The following MORF4L1 variants were observed in gnomAD, a reference collection of about 807,000 sequenced individuals.
MORF4L1 encodes the protein mortality factor 4-like protein 1.
Under a neutral mutation model 52.9 loss-of-function variants are expected in MORF4L1, and 4 were observed. That is an observed-to-expected ratio of 0.08 (90% CI 0.04 to 0.17). MORF4L1 has a LOEUF of 0.17. Ranked by LOEUF, MORF4L1 falls within the 10% of genes least tolerant of loss-of-function variation. The pLI is 1.00. For synonymous variants in MORF4L1, 123 were observed against 134.8 expected (o/e 0.91, Z 0.61); for missense variants, 214 against 390.4 (o/e 0.55, Z 3.81).
chr15:78,891,513 A>C lies in MORF4L1; in HGVS notation c.379A>C (p.Ser127Arg). 6.2e-7 allele frequency: 1 copy of C among 1,614,130 alleles called. No homozygotes were observed. Among genetic ancestry groups the C allele is most frequent in the Non-Finnish European group, 8.5e-7 (1 of 1,179,982 alleles). The change falls in exon 7 of 12, where the codon AGT becomes CGT. Residue 127 changes from serine (S) to arginine (R), a missense_variant. Ser to Arg is a moderately radical substitution (Grantham distance 110). Coordinates refer to ENST00000426013, the MANE Select transcript of MORF4L1 (RefSeq NM_006791.4). ...TGGAAATGGAGATGGTGGCAGTACC[A>C]GTGAGACCCCTCAGCCTCCTCGGAA... is the stretch of plus-strand genomic sequence containing the variant. Reference protein sequence around the residue: ...TPGNGDGGSTSETPQPPRKKR... With the variant: ...TPGNGDGGSTRETPQPPRKKR...
intron 3 of MORF4L1, among the ~76,000 whole-genome samples, chr15:78,884,797 A>T (rs1196063907): frequency 6.6e-6 from 1 of 152,226 alleles, no homozygotes; most frequent in South Asian, 2.1e-4. Flanking sequence ...ACTTCAGTTA[A>T]TCTTTTTTCA....
At chr15:78,879,006 TCTGA>T (rs919298131) in intron 2 of MORF4L1, among the ~76,000 whole-genome samples, 1 of 152,088 alleles carries the variant, frequency 6.6e-6, no homozygotes, top group Non-Finnish European at 1.5e-5. Context: ...GTCAGACATT[TCTGA>T]CTAAATATTA....
In MORF4L1 at chr15:78,880,552, T is replaced by G; in HGVS notation, c.128T>G (p.Phe43Cys). The change falls in exon 3 of 12, where the codon TTC becomes TGC. Residue 43 changes from phenylalanine (F) to cysteine (C), a missense_variant. By Grantham distance (205) the Phe-to-Cys change is radical (BLOSUM62 -2). This residue lies in a region of MORF4L1 where 32 missense variants were observed against 51.1 expected (regional missense o/e 0.63). Transcript: ENST00000426013. Reference protein sequence around the residue: ...VAIKDKQVKYFIHYSGWNKNW... With the variant: ...VAIKDKQVKYCIHYSGWNKNW... ...ATAAAGGACAAACAAGTGAAATACT[T>G]CATACATTACAGTGGTTGGAATAAA... is the stretch of plus-strand genomic sequence containing the variant. 1 of 1,602,356 alleles carries G rather than the reference T, an allele frequency of 6.2e-7. No homozygotes were observed. The highest frequency in any genetic ancestry group is 8.5e-7 in the Non-Finnish European group (1 of 1,173,864).
intron 1 of MORF4L1, chr15:78,876,514 A>G (rs563104725): frequency 1.5e-4 from 70 of 455,964 alleles, no homozygotes; most frequent in Admixed American, 1.3e-3. Context: ...CCTCGTAGCT[A>G]GAATGGAGGT....
chr15:78,896,693 A>T (rs980337435), intron 11 of MORF4L1, among the ~76,000 whole-genome samples: 96 of 152,280 alleles, frequency 6.3e-4, no homozygotes, highest in Admixed American at 3.5e-3. Context: ...TTTCTTAAAG[A>T]TGGTTCAAGC....
intron 3 of MORF4L1, among the ~76,000 whole-genome samples, chr15:78,884,214 A>C (rs1289435163): frequency 4.4e-5 from 6 of 135,848 alleles, no homozygotes; most frequent in Non-Finnish European, 7.7e-5. Flanking sequence ...AAAAAAAAAA[A>C]CAAAAAGCTG....
chr15:78,892,065 T>A, intron 7 of MORF4L1, 147 bp from the exon 8 acceptor site: 1 of 537,594 alleles, frequency 1.9e-6, no homozygotes, highest in Non-Finnish European at 3.3e-6. Flanking sequence ...TGGTCGTTTT[T>A]ATTAATGATT....
chr15:78,894,740 T>G (rs543216619), intron 10 of MORF4L1, 80 bp from the exon 11 acceptor site: 100 of 1,076,258 alleles, frequency 9.3e-5, no homozygotes, highest in Middle Eastern at 6.7e-4. Flanking sequence ...ATTGGTGGTG[T>G]TTGCTCACAT....
intron 1 of MORF4L1, among the ~76,000 whole-genome samples, chr15:78,873,389 C>T (rs1374725530): frequency 5.6e-5 from 7 of 126,080 alleles, no homozygotes; most frequent in Non-Finnish European, 8.2e-5. Context: ...AGCGCCATGG[C>T]GGCGGTTAGG....
chr15:78,886,371 C>T (rs1043549703), intron 4 of MORF4L1, 144 bp downstream of exon 4: 26 of 717,826 alleles, frequency 3.6e-5, no homozygotes, highest in African/African-American at 1.6e-4. Flanking sequence ...ACAGCTTTGA[C>T]TTCAAGCGAT....
At chr15:78,874,259 G>A (rs919861826) in intron 1 of MORF4L1, among the ~76,000 whole-genome samples, 1 of 152,172 alleles carries the variant, frequency 6.6e-6, no homozygotes, top group South Asian at 2.1e-4. Context: ...TTGTTCTAGG[G>A]GTTTTTAGAC....
intron 1 of MORF4L1, chr15:78,877,757 T>A (rs1446737495): frequency 6.5e-6 from 1 of 152,928 alleles, no homozygotes; most frequent in Non-Finnish European, 1.5e-5. Context: ...CAATCTCTGA[T>A]GCATATTGAT....
At chr15:78,894,955 T>G in intron 11 of MORF4L1, 51 bp downstream of exon 11, 1 of 1,392,756 alleles carries the variant, frequency 7.2e-7, no homozygotes, top group East Asian at 2.3e-5. Context: ...TAGCGTGTAA[T>G]GGGAGGGATT....
rs749323027 is a variant in MORF4L1 at position 78,885,082 on chromosome 15, A to C, written c.156-1059A>C. On this transcript the variant is annotated intron_variant, in intron 3 of 11. Coordinates refer to ENST00000426013, the MANE Select transcript of MORF4L1 (RefSeq NM_006791.4). The stretch of plus-strand genomic sequence containing the variant: ...AGTACACCACCCCCTCCTGACCTCT[A>C]GGTAAATGCATGTTTTGAAATTTTC... 4.5e-5 allele frequency: 72 copies of C among 1,593,342 alleles called. No individual in the cohort carries two copies. The highest frequency in any genetic ancestry group is 6.0e-5 in the Non-Finnish European group (70 of 1,168,404).
intron 11 of MORF4L1, among the ~76,000 whole-genome samples, chr15:78,895,508 T>C (rs1457907648): frequency 6.6e-6 from 1 of 152,150 alleles, no homozygotes; most frequent in Non-Finnish European, 1.5e-5. Context: ...TTTCTACAAG[T>C]TTTTGGAGGG....
intron 11 of MORF4L1, among the ~76,000 whole-genome samples, chr15:78,896,714 G>C (rs1031842448): frequency 2.0e-5 from 3 of 152,280 alleles, no homozygotes; most frequent in Non-Finnish European, 4.4e-5. Context: ...TCCCAAGTTG[G>C]TATTCTGCAG....
intron 3 of MORF4L1, chr15:78,885,135 T>G (rs762413963): frequency 7.2e-7 from 1 of 1,379,588 alleles, no homozygotes; most frequent in Non-Finnish European, 1.0e-6. Context: ...AGGATTGCTT[T>G]TTATTATTTT....
Position 78,893,541 on chromosome 15 carries a change from C to T in MORF4L1, c.543C>T (p.Leu181=). ...DWDLITRQKQ[L]FYLPAKKNVD... is the part of the protein sequence containing the mutation. The stretch of plus-strand genomic sequence containing the variant: ...TAAGCATATTTTTGTCTTCATAGCT[C>T]TTTTATCTTCCTGCCAAGAAGAATG... The change falls in exon 9 of 12, where the codon CTC becomes CTT. Residue 181 remains leucine, a splice_region_variant and synonymous_variant. Transcript: ENST00000426013. 1 of 1,601,760 alleles carries T rather than the reference C, an allele frequency of 6.2e-7. No homozygotes were observed. The highest frequency in any genetic ancestry group is 8.5e-7 in the Non-Finnish European group (1 of 1,170,432).
intron 11 of MORF4L1, 92 bp downstream of exon 11, chr15:78,894,996 A>G (rs1188582089): frequency 9.8e-7 from 1 of 1,023,742 alleles, no homozygotes; most frequent in Non-Finnish European, 1.5e-6. Context: ...ATTAAACATT[A>G]TATTGGTACA....
Sources: allele counts gnomAD v4.1 joint callset (sites outside exome capture counted in the v4.1 genomes callset), GRCh38; gene constraint gnomAD v4.1.1; regional missense constraint gnomAD v4.1.1; transcripts MANE v1.5; gene names NCBI Gene and HGNC (gene_info 2026-07-23, HGNC 2026-07-21).